TTC9C: variants seen among roughly 807,000 people sequenced by gnomAD.
The protein encoded by TTC9C is tetratricopeptide repeat domain 9C.
In TTC9C, 15 loss-of-function variants were observed where a neutral mutation model predicts 22.5. The observed-to-expected ratio is 0.67, with a 90% confidence interval of 0.45 to 1.03. The LOEUF (loss-of-function observed/expected upper bound fraction) is 1.03. TTC9C is among the 50% of genes least tolerant of loss of function. TTC9C has a pLI of 0.00. For missense variants in TTC9C, 244 were observed against 214.6 expected, an observed-to-expected ratio of 1.14 and a Z score of -0.86; for synonymous variants, 92 against 86.8, an observed-to-expected ratio of 1.06 and a Z score of -0.33.
At chr11:62,736,219 CAAAAAAAAAAA>C (rs35305538) in intron 2 of TTC9C, 31 of 55,030 alleles carry the variant, frequency 5.6e-4, no homozygotes, top group African/African-American at 2.1e-3. Context: ...GATTCTGTCT[CAAAAAAAAAAA>C]AAAAAAAAAA....
At chr11:62,735,130 G>A (rs1213392734) in intron 1 of TTC9C, among the ~76,000 whole-genome samples, 2 of 152,166 alleles carry the variant, frequency 1.3e-5, no homozygotes, top group Non-Finnish European at 2.9e-5. Flanking sequence ...CCGACCTCAG[G>A]TGATCCACCC....
chr11:62,735,573 G>A lies in TTC9C; in HGVS notation c.421+9G>A, dbSNP rs1013524185. On this transcript the variant is annotated intron_variant, in intron 2 of 2. Transcript: ENST00000316461. ...GAATAGGCAGCCTAAAGGTAAGCAA[G>A]AAGGGCTTTGAAATGGTAAAGACAA... The A allele has an allele frequency of 6.3e-7, 1 of 1,595,006 alleles. No individual in the cohort carries two copies. The highest frequency in any genetic ancestry group is 8.6e-7 in the Non-Finnish European group (1 of 1,168,246).
chr11:62,737,380 T>A (rs1244435113), intron 2 of TTC9C, among the ~76,000 whole-genome samples: 1 of 152,184 alleles, frequency 6.6e-6, no homozygotes, highest in Non-Finnish European at 1.5e-5. Flanking sequence ...AGGGCAGTCC[T>A]GCTGAGAGAG....
In TTC9C at chr11:62,738,431, A is replaced by G. The variant is rs945542846; in HGVS notation, c.*49A>G. The G allele has an allele frequency of 7.7e-7, 1 of 1,292,052 alleles. No homozygotes were observed. Among genetic ancestry groups the G allele is most frequent in the South Asian group, 1.2e-5 (1 of 80,262 alleles). The allele number at this position is 1,292,052 out of a possible 1,614,324, so 80.0% of individuals were successfully genotyped here. On this transcript the variant is annotated 3_prime_UTR_variant, in exon 3 of 3. Transcript: ENST00000316461. ...GTTGAACTTAGGTGGACCATTAAAC[A>G]TGCATGAAGGAGAAATCTGAGCCTC...
rs1360810816 is a variant in TTC9C at position 62,728,641 on chromosome 11, A to T, written c.-208A>T. 2.9e-6 allele frequency: 2 copies of T among 687,670 alleles called. No homozygotes were observed. Among genetic ancestry groups the T allele is most frequent in the Non-Finnish European group, 5.3e-6 (2 of 376,052 alleles). The allele number at this position is 687,670 out of a possible 1,614,324, so 42.6% of individuals were successfully genotyped here. On this transcript the variant is annotated 5_prime_UTR_variant, in exon 1 of 3. Transcript: ENST00000316461. ...ATCCCTTTCCTTACTACTTGCCTGC[A>T]CTTCTTGAGAAAAAGACTGCAGAAA...
chr11:62,735,767 T>G (rs1425071079), intron 2 of TTC9C: 1 of 929,746 alleles, frequency 1.1e-6, no homozygotes, highest in East Asian at 3.2e-5. Context: ...AAAAGCAGTA[T>G]TATTAGTTTC....
At chr11:62,734,081 C>T (rs766821510) in intron 1 of TTC9C, among the ~76,000 whole-genome samples, 3 of 151,460 alleles carry the variant, frequency 2.0e-5, no homozygotes, top group African/African-American at 7.3e-5. Flanking sequence ...AGCGAATCAC[C>T]TGAGGTCAGG....
chr11:62,735,302 A>C, intron 1 of TTC9C, 80 bp from the exon 2 acceptor site: 2 of 1,549,150 alleles, frequency 1.3e-6, no homozygotes, highest in Non-Finnish European at 1.7e-6. Context: ...CACCCTGTTC[A>C]GTACTGTCTT....
intron 2 of TTC9C, 117 bp downstream of exon 2, chr11:62,735,681 A>C: frequency 7.1e-7 from 1 of 1,413,456 alleles, no homozygotes. Context: ...TAATACATTC[A>C]CATGGTTGAG....
Position 62,728,634 on chromosome 11 carries a change from T to A in TTC9C, c.-215T>A, listed in dbSNP as rs1192941704. 1 of 680,760 alleles carries A rather than the reference T, an allele frequency of 1.5e-6. No homozygotes were observed. Among genetic ancestry groups the A allele is most frequent in the East Asian group, 2.8e-5 (1 of 35,330 alleles). 42.2% of individuals were successfully genotyped at this position (680,760 alleles called of 1,614,324 possible). A position where few individuals can be genotyped will look rare whatever the true frequency, so the allele number is the denominator to read the frequency against. On this transcript the variant is annotated 5_prime_UTR_variant, in exon 1 of 3. Transcript: ENST00000316461. ...TTCCCACATCCCTTTCCTTACTACT[T>A]GCCTGCACTTCTTGAGAAAAAGACT...
chr11:62,737,219 CAAAA>C (rs577375388), intron 2 of TTC9C, among the ~76,000 whole-genome samples: 1 of 151,648 alleles, frequency 6.6e-6, no homozygotes, highest in Non-Finnish European at 1.5e-5. Context: ...CAAAACAAAA[CAAAA>C]AAACAGTGAT....
At chr11:62,735,673 A>G in intron 2 of TTC9C, 109 bp downstream of exon 2, 5 of 1,423,724 alleles carry the variant, frequency 3.5e-6, no homozygotes, top group Non-Finnish European at 3.7e-6. Context: ...TCAATAAGTA[A>G]TACATTCACA....
chr11:62,730,990 G>C (rs1318426928), intron 1 of TTC9C, among the ~76,000 whole-genome samples: 1 of 152,048 alleles, frequency 6.6e-6, no homozygotes, highest in African/African-American at 2.4e-5. Flanking sequence ...CCAGGTTCAA[G>C]CGATTCTCCT....
chr11:62,732,612 C>CA (rs34178732), intron 1 of TTC9C, among the ~76,000 whole-genome samples: 103,480 of 138,446 alleles, frequency 0.75, 38,151 homozygotes, highest in Admixed American at 0.82. Flanking sequence ...AACTCCGTCT[C>CA]AAAAAAAAAA....
At chr11:62,732,801 A>G (rs2083867297) in intron 1 of TTC9C, among the ~76,000 whole-genome samples, 2 of 151,952 alleles carry the variant, frequency 1.3e-5, no homozygotes, top group South Asian at 4.2e-4. Context: ...AGGTGCCTGT[A>G]GTCCCAGCTA....
At chr11:62,728,101 C>T (rs1339707198), upstream of TTC9C, 1 of 146,790 alleles carries the variant, frequency 6.8e-6, no homozygotes, top group Non-Finnish European at 1.5e-5. Flanking sequence ...GATTATTTTT[C>T]CGGAGCCTCT....
chr11:62,733,027 A>G (rs2083870543), intron 1 of TTC9C: 1 of 599,682 alleles, frequency 1.7e-6, no homozygotes, highest in Non-Finnish European at 2.5e-6. Context: ...GGATACAGAC[A>G]TCAGCACAGG....
At chr11:62,733,029 C>G (rs1375098889) in intron 1 of TTC9C, 1 of 575,892 alleles carries the variant, frequency 1.7e-6, no homozygotes, top group African/African-American at 2.0e-5. Flanking sequence ...ATACAGACAT[C>G]AGCACAGGCC....
intron 1 of TTC9C, 113 bp from the exon 2 acceptor site, chr11:62,735,269 A>T: frequency 7.2e-7 from 1 of 1,392,938 alleles, no homozygotes; most frequent in Non-Finnish European, 9.7e-7. Flanking sequence ...ACACTTTAGC[A>T]TTTGTTGACT....
Sources: gnomAD v4.1 joint callset for allele counts (sites outside exome capture counted in the v4.1 genomes callset) on GRCh38, gnomAD v4.1.1 for gene constraint, MANE v1.5 for transcripts, NCBI Gene and HGNC (gene_info 2026-07-23, HGNC 2026-07-21) for gene names.